Variants in SLC2A13 observed in about 807,000 individuals in gnomAD.
SLC2A13 encodes the protein solute carrier family 2 member 13, also known as proton myo-inositol cotransporter.
A neutral mutation model predicts 64.4 loss-of-function variants in SLC2A13; 32 were observed. The ratio of observed to expected loss-of-function variants is 0.50; its 90% CI spans 0.37 to 0.67. The LOEUF (loss-of-function observed/expected upper bound fraction) is 0.67, where lower values mean the gene tolerates loss of function less well. SLC2A13 is among the 30% of genes least tolerant of loss of function. The pLI, the probability that SLC2A13 is intolerant of heterozygous loss-of-function variation, is 0.00. For missense variants in SLC2A13, 743 were observed against 829.2 expected (o/e 0.90, Z 1.28); for synonymous variants, 338 against 327.1 (o/e 1.03, Z -0.36).
intron 2 of SLC2A13, among the ~76,000 whole-genome samples, chr12:40,041,891 T>C (rs1207912619): frequency 2.0e-5 from 3 of 152,344 alleles, no homozygotes; most frequent in East Asian, 3.9e-4. Context: ...CTTGAATTCA[T>C]AGACCATTGG....
intron 3 of SLC2A13, among the ~76,000 whole-genome samples, chr12:39,996,744 C>T (rs1947238446): frequency 6.6e-6 from 1 of 152,098 alleles, no homozygotes; most frequent in South Asian, 2.1e-4. Context: ...GTTGAGCCTG[C>T]CAGTGCACAG....
intron 4 of SLC2A13, among the ~76,000 whole-genome samples, chr12:39,881,091 T>C (rs1944326863): frequency 6.6e-6 from 1 of 152,244 alleles, no homozygotes; most frequent in East Asian, 1.9e-4. Context: ...CAACAAAACA[T>C]AAAATACTAA....
chr12:39,891,192 T>A (rs1424142141), intron 4 of SLC2A13, among the ~76,000 whole-genome samples: 2 of 150,338 alleles, frequency 1.3e-5, no homozygotes, highest in African/African-American at 4.9e-5. Flanking sequence ...TCACCAGCTC[T>A]GCCCCAGTCT....
chr12:39,833,306 T>G (rs898313103), intron 6 of SLC2A13, among the ~76,000 whole-genome samples: 9 of 152,090 alleles, frequency 5.9e-5, no homozygotes, highest in Non-Finnish European at 1.3e-4. Context: ...ATCCCTAATC[T>G]AGAACACCTA....
At chr12:40,033,235 A>G (rs924573646) in intron 2 of SLC2A13, among the ~76,000 whole-genome samples, 3 of 152,244 alleles carry the variant, frequency 2.0e-5, no homozygotes, top group African/African-American at 7.2e-5. Flanking sequence ...AAGTCAAGCT[A>G]TATTAACTGT....
At chr12:40,002,465 A>T (rs1947335977) in intron 3 of SLC2A13, among the ~76,000 whole-genome samples, 1 of 152,244 alleles carries the variant, frequency 6.6e-6, no homozygotes, top group South Asian at 2.1e-4. Context: ...AGACTGAAAG[A>T]TGGGCTCAGA....
intron 3 of SLC2A13, among the ~76,000 whole-genome samples, chr12:39,956,068 G>C (rs1946309828): frequency 6.6e-6 from 1 of 152,202 alleles, no homozygotes; most frequent in Non-Finnish European, 1.5e-5. Context: ...ACTCAGGACA[G>C]ATATTAAAAT....
intron 3 of SLC2A13, among the ~76,000 whole-genome samples, chr12:39,955,504 T>C (rs770477984): frequency 4.6e-5 from 7 of 152,062 alleles, no homozygotes; most frequent in Non-Finnish European, 7.4e-5. Context: ...GAAAAATCCA[T>C]AAAACCAAAA....
intron 6 of SLC2A13, among the ~76,000 whole-genome samples, chr12:39,862,087 C>G (rs1943777988): frequency 6.6e-6 from 1 of 152,158 alleles, no homozygotes; most frequent in Non-Finnish European, 1.5e-5. Flanking sequence ...CCTTGTGTCC[C>G]TATGTTCTCA....
At chr12:40,062,559 G>A (rs538431626) in intron 1 of SLC2A13, among the ~76,000 whole-genome samples, 80 of 152,108 alleles carry the variant, frequency 5.3e-4, no homozygotes, top group African/African-American at 1.7e-3. Context: ...AACTCTCTAA[G>A]ATATTTTAGG....
chr12:39,774,126 A>G (rs2135729674), intron 7 of SLC2A13, among the ~76,000 whole-genome samples: 1 of 152,336 alleles, frequency 6.6e-6, no homozygotes, highest in African/African-American at 2.4e-5. Flanking sequence ...TTTATGATAT[A>G]ATTACACCAT....
intron 7 of SLC2A13, among the ~76,000 whole-genome samples, chr12:39,799,610 G>A (rs1333965945): frequency 2.0e-5 from 3 of 152,134 alleles, no homozygotes; most frequent in Non-Finnish European, 4.4e-5. Context: ...CCAGGGGTTA[G>A]CTAAAAACCT....
At chr12:39,962,351 AG>A (rs1199770554) in intron 3 of SLC2A13, among the ~76,000 whole-genome samples, 2 of 152,098 alleles carry the variant, frequency 1.3e-5, no homozygotes, top group East Asian at 3.9e-4. Flanking sequence ...TTGGCCTCCC[AG>A]TGTGCTGGGA....
chr12:40,009,440 G>GT (rs1565588209), intron 3 of SLC2A13, among the ~76,000 whole-genome samples: 1 of 151,898 alleles, frequency 6.6e-6, no homozygotes, highest in Non-Finnish European at 1.5e-5. Context: ...GTTTGTTTTT[G>GT]TTTTTTGAGA....
At chr12:39,881,039 C>T (rs952024532) in intron 4 of SLC2A13, among the ~76,000 whole-genome samples, 5 of 152,146 alleles carry the variant, frequency 3.3e-5, no homozygotes, top group Admixed American at 2.6e-4. Context: ...CTGTTTATGC[C>T]TGTCATTGTA....
intron 9 of SLC2A13, among the ~76,000 whole-genome samples, chr12:39,761,254 A>AG (rs56122050): frequency 0.35 from 53,353 of 151,734 alleles, 11,559 homozygotes; most frequent in Non-Finnish European, 0.47. Flanking sequence ...AAGTAAAATA[A>AG]GGGGGCTTCT....
intron 3 of SLC2A13, among the ~76,000 whole-genome samples, chr12:39,995,461 T>C (rs1187371887): frequency 1.3e-5 from 2 of 152,044 alleles, no homozygotes; most frequent in African/African-American, 4.8e-5. Flanking sequence ...TCTACCTCCA[T>C]GAAGTCCACT....
chr12:40,028,453 A>C lies in SLC2A13; in HGVS notation c.773T>G (p.Phe258Cys). ...AAGCCATCGAGGGCTTTCAGGCAAAAAGAGAAAGCCAAAAAACTGTATAAC... is the reference window on the plus strand; with the variant it reads ...AAGCCATCGAGGGCTTTCAGGCAAACAGAGAAAGCCAAAAAACTGTATAAC... ...PAVIQFFGFL[F>C]LPESPRWLIQ... The change falls in exon 3 of 10, where the codon TTT becomes TGT. Residue 258 changes from phenylalanine to cysteine, a missense_variant. Around this residue, in one of 2 missense-constraint regions of SLC2A13, gnomAD observed 448 missense variants for 447.4 expected, o/e 1.00. Transcript: ENST00000280871. The C allele has an allele frequency of 6.2e-7, 1 of 1,614,046 alleles. No homozygotes were observed. The highest frequency in any genetic ancestry group is 8.5e-7 in the Non-Finnish European group (1 of 1,179,976).
intron 9 of SLC2A13, among the ~76,000 whole-genome samples, chr12:39,761,087 A>G (rs993323335): frequency 2.0e-5 from 3 of 152,194 alleles, no homozygotes; most frequent in Non-Finnish European, 4.4e-5. Flanking sequence ...CCAGACCATC[A>G]TGTGTATGAG....
Sources: allele counts gnomAD v4.1 joint callset (sites outside exome capture counted in the v4.1 genomes callset), GRCh38; gene constraint gnomAD v4.1.1; regional missense constraint gnomAD v4.1.1; transcripts MANE v1.5; gene names NCBI Gene and HGNC (gene_info 2026-07-23, HGNC 2026-07-21).